Variants in COPB2 observed in about 807,000 individuals in gnomAD.
COPB2 encodes coatomer subunit beta'.
A neutral mutation model predicts 120.8 loss-of-function variants in COPB2; 16 were observed. The ratio of observed to expected loss-of-function variants is 0.13; its 90% CI spans 0.09 to 0.20. COPB2 has a LOEUF of 0.20. Among genes scored for constraint, COPB2 ranks in the 10% least tolerant of loss-of-function variants. The probability of loss-of-function intolerance (pLI) is 1.00; values close to 1 mark genes in which losing one functional copy is unlikely to be tolerated. For synonymous variants in COPB2, 332 were observed against 366.3 expected (o/e 0.91, Z 1.07); for missense variants, 794 against 1,076.5 (o/e 0.74, Z 3.67).
chr3:139,369,262 T>A lies in COPB2; in HGVS notation c.1400A>T (p.His467Leu), dbSNP rs199631542. ...AACAACAATGGAGGGGAAACTCACA[T>A]GTTTGGGCTGAATTTCAATTCTTCG... ...LIRRIEIQPK[H>L]IFWSDSGELV... Residue 467 changes from histidine to leucine, a missense_variant and splice_region_variant, in exon 12 of 22, where the codon CAT becomes CTT. Around this residue, in one of 3 missense-constraint regions of COPB2, gnomAD observed 610 missense variants for 866.7 expected, o/e 0.70. Coordinates refer to ENST00000333188, the MANE Select transcript of COPB2 (RefSeq NM_004766.3). The A allele has an allele frequency of 2.1e-4, 329 of 1,603,956 alleles. No homozygotes were observed. Among genetic ancestry groups the A allele is most frequent in the Non-Finnish European group, 2.7e-4 (318 of 1,173,872 alleles).
intron 20 of COPB2, 72 bp from the exon 21 acceptor site, chr3:139,358,343 A>C: frequency 2.2e-6 from 3 of 1,341,320 alleles, no homozygotes; most frequent in Non-Finnish European, 1.1e-6. Flanking sequence ...TCCCCCAAGA[A>C]AAGGATGATC....
rs373792731 is a variant in COPB2 at position 139,373,720 on chromosome 3, T to G, written c.840A>C (p.Leu280=). 2 of 1,614,004 alleles carry G rather than the reference T, an allele frequency of 1.2e-6. No individual in the cohort carries two copies. Among genetic ancestry groups the G allele is most frequent in the African/African-American group, 2.7e-5 (2 of 74,914 alleles). The change falls in exon 8 of 22, where the codon CTA becomes CTC. Residue 280 remains leucine (L), a synonymous_variant. Transcript: ENST00000333188. ...CCAAAGCGACATTGTTTGACCCTCT[T>G]AGACTGGCCACGCACCATACCCTCT... ...GMERVWCVAS[L]RGSNNVALGY...
At chr3:139,377,466 T>C (rs1941734285) in intron 5 of COPB2, among the ~76,000 whole-genome samples, 1 of 152,364 alleles carries the variant, frequency 6.6e-6, no homozygotes, top group East Asian at 1.9e-4. Flanking sequence ...AGTAAGGTTT[T>C]GTGAACATTC....
chr3:139,389,589 C>T lies in COPB2; in HGVS notation c.-39G>A, dbSNP rs777667487. The T allele has an allele frequency of 5.1e-6, 8 of 1,566,578 alleles. No individual in the cohort carries two copies. The Admixed American group carries it at 8.8e-5, about 17-fold the overall frequency. On this transcript the variant is annotated 5_prime_UTR_variant, in exon 1 of 22. Transcript: ENST00000333188. ...CAATCCCGGGAACCCTCGTTTGTTACCGGCTACTCAGGCCTTGAGATAAAC... is the reference window on the plus strand; with the variant it reads ...CAATCCCGGGAACCCTCGTTTGTTATCGGCTACTCAGGCCTTGAGATAAAC...
At chr3:139,358,082 T>G in intron 21 of COPB2, 118 bp downstream of exon 21, 3 of 1,075,712 alleles carry the variant, frequency 2.8e-6, no homozygotes, top group Non-Finnish European at 4.1e-6. Flanking sequence ...ATCTTCCCAT[T>G]TCAAAGCCCC....
In COPB2 at chr3:139,358,788, C is replaced by T; in HGVS notation, c.2509G>A (p.Glu837Lys). ...GAGGGCTGAAAGTCTTTTCCCTCTT[C>T]CATGACATTTCTCTCTTCATTTGGC... is the stretch of plus-strand genomic sequence containing the variant. ...VTPNEERNVM[E>K]EGKDFQPSRS... The change falls in exon 20 of 22, where the codon GAA (glutamate) becomes AAA (lysine). Residue 837 changes from glutamate to lysine, a missense_variant. Coordinates refer to ENST00000333188, the MANE Select transcript of COPB2 (RefSeq NM_004766.3). The T allele has an allele frequency of 6.2e-7, 1 of 1,613,042 alleles. No homozygotes were observed. Among genetic ancestry groups the T allele is most frequent in the Non-Finnish European group, 8.5e-7 (1 of 1,179,136 alleles).
intron 2 of COPB2, chr3:139,381,088 A>G (rs1312596445): frequency 3.9e-5 from 6 of 152,204 alleles, no homozygotes; most frequent in African/African-American, 1.4e-4. Context: ...TTCATACACA[A>G]TTTTATCTAA....
chr3:139,382,258 T>G (rs1322148381), intron 2 of COPB2: 8 of 152,140 alleles, frequency 5.3e-5, no homozygotes. Context: ...TCTCATGAGA[T>G]CTGATGGTTT....
chr3:139,380,433 C>A (rs895844732), intron 2 of COPB2: 2 of 152,038 alleles, frequency 1.3e-5, no homozygotes, highest in Non-Finnish European at 2.9e-5. Context: ...ATGAAAACAC[C>A]GTGACTTATA....
At chr3:139,389,360 C>G in intron 1 of COPB2, 188 bp downstream of exon 1, 1 of 955,758 alleles carries the variant, frequency 1.0e-6, no homozygotes, top group Non-Finnish European at 1.4e-6. Flanking sequence ...CTCCCCAAAT[C>G]ACCCCGGTCC....
Position 139,368,214 on chromosome 3 carries a change from T to G in COPB2, c.1476A>C (p.Ser492=). Residue 492 remains serine, a synonymous_variant, in exon 13 of 22, where the codon TCA becomes TCC. Coordinates refer to ENST00000333188, the MANE Select transcript of COPB2 (RefSeq NM_004766.3). The part of the protein sequence containing the change: ...EESFFILKYL[S]EKVLAAQETH... ...TTTCCTGTGCAGCCAAGACTTTTTCTGACAGATACTTAAGGATAAAAAATG... is the reference window on the plus strand; with the variant it reads ...TTTCCTGTGCAGCCAAGACTTTTTCGGACAGATACTTAAGGATAAAAAATG... 6.2e-7 allele frequency: 1 copy of G among 1,613,954 alleles called. No homozygotes were observed. Among genetic ancestry groups the G allele is most frequent in the Non-Finnish European group, 8.5e-7 (1 of 1,179,892 alleles).
intron 14 of COPB2, 38 bp downstream of exon 14, chr3:139,366,977 T>C (rs374458276): frequency 3.1e-6 from 5 of 1,588,828 alleles, no homozygotes; most frequent in Non-Finnish European, 3.4e-6. Flanking sequence ...TAAACACACT[T>C]TAAAATTTAG....
At chr3:139,377,071 A>AT (rs11403500) in intron 5 of COPB2, among the ~76,000 whole-genome samples, 57,863 of 152,062 alleles carry the variant, frequency 0.38, 13,764 homozygotes, top group Non-Finnish European at 0.53. Flanking sequence ...AAATATTATG[A>AT]TAAAAAAAAG....
Position 139,373,720 on chromosome 3 carries a change from T to C in COPB2, c.840A>G (p.Leu280=), listed in dbSNP as rs373792731. ...CCAAAGCGACATTGTTTGACCCTCT[T>C]AGACTGGCCACGCACCATACCCTCT... ...GMERVWCVAS[L]RGSNNVALGY... The change falls in exon 8 of 22, where the codon CTA becomes CTG. Residue 280 remains leucine, a synonymous_variant. Coordinates refer to ENST00000333188, the MANE Select transcript of COPB2 (RefSeq NM_004766.3). 1.2e-5 allele frequency: 20 copies of C among 1,614,122 alleles called. No homozygotes were observed. Among genetic ancestry groups the C allele is most frequent in the Non-Finnish European group, 1.7e-5 (20 of 1,179,992 alleles).
At chr3:139,383,845 G>A (rs1402652207) in intron 1 of COPB2, among the ~76,000 whole-genome samples, 1 of 152,070 alleles carries the variant, frequency 6.6e-6, no homozygotes, top group African/African-American at 2.4e-5. Context: ...AAAATAACAT[G>A]TTTTTATGAA....
chr3:139,378,827 A>C (rs1416707990), intron 4 of COPB2, among the ~76,000 whole-genome samples: 1 of 152,266 alleles, frequency 6.6e-6, no homozygotes, highest in African/African-American at 2.4e-5. Flanking sequence ...CTTCTCTGAC[A>C]GGAACTGGAG....
chr3:139,366,626 A>T lies in COPB2; in HGVS notation c.1826T>A (p.Val609Asp), dbSNP rs1326271561. The T allele has an allele frequency of 1.2e-6, 2 of 1,614,068 alleles. No homozygotes were observed. The highest frequency in any genetic ancestry group is 8.5e-7 in the Non-Finnish European group (1 of 1,179,976). ...CTGTTCTTTTGGAATGGTAGGAAGG[A>T]CCTTATCAGCCATGCTAAAGTCCCT... ...MRRDFSMADK[V>D]LPTIPKEQRT... is the part of the protein sequence containing the mutation. The change falls in exon 15 of 22, where the codon GTC becomes GAC. Residue 609 changes from valine to aspartate, a missense_variant. Val to Asp is a radical substitution (Grantham distance 152, BLOSUM62 -3). Around this residue, in one of 3 missense-constraint regions of COPB2, gnomAD observed 610 missense variants for 866.7 expected, o/e 0.70. Coordinates refer to ENST00000333188, the MANE Select transcript of COPB2 (RefSeq NM_004766.3).
In COPB2 at chr3:139,373,396, G is replaced by C. The variant is rs1267368148; in HGVS notation, c.911C>G (p.Pro304Arg). Residue 304 changes from proline (P) to arginine (R), a missense_variant, in exon 9 of 22, where the codon CCT (proline) becomes CGT (arginine). This residue lies in a region of COPB2 where 610 missense variants were observed against 866.7 expected (regional missense o/e 0.70). Transcript: ENST00000333188. ...SIIVKLGREE[P>R]AMSMDANGKI... ...TCCATTGGCATCCATGGACATGGCA[G>C]GTTCCTCCCGACCAAGCTGAAAGAA... is the stretch of plus-strand genomic sequence containing the variant. 4 of 1,613,986 alleles carry C rather than the reference G, an allele frequency of 2.5e-6. No homozygotes were observed. Among genetic ancestry groups the C allele is most frequent in the Admixed American group, 1.7e-5 (1 of 60,002 alleles).
Position 139,383,285 on chromosome 3 carries a change from G to C in COPB2, c.141+13C>G. On this transcript the variant is annotated intron_variant, in intron 2 of 21. Transcript: ENST00000333188. The stretch of plus-strand genomic sequence containing the variant: ...AGTATTTTATTTCTAATACAGTCCT[G>C]AAAAATTCCTACCTGTGTTTCATGA... 1 of 1,613,544 alleles carries C rather than the reference G, an allele frequency of 6.2e-7. No homozygotes were observed. The highest frequency in any genetic ancestry group is 8.5e-7 in the Non-Finnish European group (1 of 1,179,676).
Sources: allele counts gnomAD v4.1 joint callset (sites outside exome capture counted in the v4.1 genomes callset), GRCh38; gene constraint gnomAD v4.1.1; regional missense constraint gnomAD v4.1.1; transcripts MANE v1.5; gene names NCBI Gene and HGNC (gene_info 2026-07-23, HGNC 2026-07-21).